CMKLR1: variants seen among roughly 807,000 people sequenced by gnomAD.
CMKLR1 encodes the protein chemerin chemokine-like receptor 1.
CMKLR1 carries 6 observed loss-of-function variants against 8.2 expected under a neutral mutation model. The ratio of observed to expected loss-of-function variants is 0.73; its 90% CI spans 0.40 to 1.44. The LOEUF is 1.44. CMKLR1 is among the 40% of genes most tolerant of loss of function. The probability of loss-of-function intolerance (pLI) is 0.02; values close to 1 mark genes in which losing one functional copy is unlikely to be tolerated. For missense variants in CMKLR1, 429 were observed against 478.0 expected (o/e 0.90, Z 0.96); for synonymous variants, 178 against 181.2 (o/e 0.98, Z 0.14).
chr12:108,293,205 G>A (rs1324352422), intron 3 of CMKLR1, among the ~76,000 whole-genome samples: 1 of 152,192 alleles, frequency 6.6e-6, no homozygotes, highest in Non-Finnish European at 1.5e-5. Context: ...GGTAGGTTAT[G>A]AGCCTCAACT....
At chr12:108,324,874 G>A (rs1379812769) in intron 2 of CMKLR1, among the ~76,000 whole-genome samples, 1 of 151,924 alleles carries the variant, frequency 6.6e-6, no homozygotes, top group African/African-American at 2.4e-5. Context: ...ACAGCCTCCA[G>A]TCTGACCACA....
At chr12:108,293,455 G>A in intron 3 of CMKLR1, 134 bp downstream of exon 3, 2 of 852,376 alleles carry the variant, frequency 2.3e-6, no homozygotes, top group Non-Finnish European at 3.8e-6. Context: ...TGAAGAAGAG[G>A]TACATGGTGC....
chr12:108,306,803 A>G (rs1013254515), intron 2 of CMKLR1, among the ~76,000 whole-genome samples: 1 of 152,166 alleles, frequency 6.6e-6, no homozygotes, highest in African/African-American at 2.4e-5. Flanking sequence ...TTCCATGAGA[A>G]CACGCCCTTG....
chr12:108,308,225 G>T (rs768752477), intron 2 of CMKLR1, among the ~76,000 whole-genome samples: 1 of 152,178 alleles, frequency 6.6e-6, no homozygotes, highest in Non-Finnish European at 1.5e-5. Flanking sequence ...GTCTCAAGGA[G>T]TTGTGAGGAT....
chr12:108,304,139 G>A (rs1358787682), intron 2 of CMKLR1, among the ~76,000 whole-genome samples: 1 of 152,218 alleles, frequency 6.6e-6, no homozygotes, highest in Non-Finnish European at 1.5e-5. Context: ...AGGACAGCAA[G>A]GTTGGGTGTT....
chr12:108,326,921 C>T (rs917825832), intron 2 of CMKLR1, among the ~76,000 whole-genome samples: 7 of 152,058 alleles, frequency 4.6e-5, no homozygotes, highest in African/African-American at 9.7e-5. Context: ...TTCATGGATT[C>T]GCTGATTTAA....
chr12:108,328,865 G>A (rs1166550678), intron 2 of CMKLR1, among the ~76,000 whole-genome samples: 1 of 152,202 alleles, frequency 6.6e-6, no homozygotes, highest in African/African-American at 2.4e-5. Flanking sequence ...GCAACCCAAA[G>A]TGCCATCTTA....
intron 2 of CMKLR1, among the ~76,000 whole-genome samples, chr12:108,303,559 T>C (rs1891332353): frequency 6.6e-6 from 1 of 152,188 alleles, no homozygotes; most frequent in Admixed American, 6.5e-5. Flanking sequence ...CAATTAGCCA[T>C]TCTGAAGGAA....
chr12:108,305,233 C>T (rs1051504788), intron 2 of CMKLR1, among the ~76,000 whole-genome samples: 1 of 152,200 alleles, frequency 6.6e-6, no homozygotes, highest in African/African-American at 2.4e-5. Context: ...ATAACTTCTG[C>T]CTCAGTGTGA....
Position 108,319,555 on chromosome 12 carries a change from A to G in CMKLR1, c.-74+10440T>C, listed in dbSNP as rs192305437. Among the ~76,000 whole-genome samples the G allele has an allele frequency of 9.3e-4, 142 of 152,346 alleles. 1 individual carries two copies. The highest frequency in any genetic ancestry group is 1.5e-3 in the Admixed American group (23 of 15,306). On this transcript the variant is annotated intron_variant, in intron 2 of 3. Transcript: ENST00000550402. ...TTCCCAATCTGTAAAATGGAGCAAT[A>G]CATGCCTCACAAAGTACATACCTCA...
At chr12:108,332,643 G>A (rs1012006623) in intron 1 of CMKLR1, among the ~76,000 whole-genome samples, 13 of 152,032 alleles carry the variant, frequency 8.6e-5, no homozygotes, top group South Asian at 2.1e-4. Flanking sequence ...CTCGAACATC[G>A]GATTCCAAGT....
At chr12:108,304,362 G>A (rs374518608) in intron 2 of CMKLR1, among the ~76,000 whole-genome samples, 1 of 152,152 alleles carries the variant, frequency 6.6e-6, no homozygotes, top group Non-Finnish European at 1.5e-5. Context: ...TGTGTCCTAT[G>A]GGCTCAGTGT....
chr12:108,302,298 G>A (rs749157888), intron 2 of CMKLR1, among the ~76,000 whole-genome samples: 8 of 152,208 alleles, frequency 5.3e-5, no homozygotes, highest in African/African-American at 1.7e-4. Flanking sequence ...AGGTATCTGC[G>A]AACCCTCTGT....
chr12:108,325,430 C>A (rs1891960226), intron 2 of CMKLR1, among the ~76,000 whole-genome samples: 1 of 150,762 alleles, frequency 6.6e-6, no homozygotes, highest in African/African-American at 2.4e-5. Context: ...CCTGTGTAGA[C>A]TCCTGGCAGG....
chr12:108,292,288 G>T lies in CMKLR1; in HGVS notation c.675C>A (p.Phe225Leu), dbSNP rs779501834. Residue 225 changes from phenylalanine (F) to leucine (L), a missense_variant, in exon 4 of 4, where the codon TTC (phenylalanine) becomes TTA (leucine). By Grantham distance (22) the Phe-to-Leu change is conservative. Coordinates refer to ENST00000550402, the MANE Select transcript of CMKLR1 (RefSeq NM_001142343.2). ...GGACTGGGACCAGGAAGCCACAGAG[G>T]AAGCGGGTGACAGTCACCACCATGT... ...SRHMVVTVTR[F>L]LCGFLVPVLI... The T allele has an allele frequency of 6.2e-7, 1 of 1,614,194 alleles. No homozygotes were observed. Among genetic ancestry groups the T allele is most frequent in the South Asian group, 1.1e-5 (1 of 91,088 alleles).
At chr12:108,308,264 G>T (rs969371114) in intron 2 of CMKLR1, among the ~76,000 whole-genome samples, 2 of 152,206 alleles carry the variant, frequency 1.3e-5, no homozygotes, top group Admixed American at 6.5e-5. Context: ...TGAGGTGCTT[G>T]TCACCACCAC....
intron 2 of CMKLR1, among the ~76,000 whole-genome samples, chr12:108,318,146 C>T (rs993930574): frequency 2.0e-5 from 3 of 152,160 alleles, no homozygotes; most frequent in Non-Finnish European, 4.4e-5. Flanking sequence ...GAGTTGCTTC[C>T]GGTTTCTTGC....
intron 2 of CMKLR1, among the ~76,000 whole-genome samples, chr12:108,324,534 C>T (rs183402689): frequency 6.1e-4 from 93 of 152,266 alleles, no homozygotes; most frequent in Admixed American, 1.8e-3. Flanking sequence ...AGAGCACAGA[C>T]GAGGCGCCTC....
rs1220472367 is a variant in CMKLR1 at position 108,291,452 on chromosome 12, AC to A, written c.*388del. 1 of 204,064 alleles carries A rather than the reference AC, an allele frequency of 4.9e-6. No homozygotes were observed. The highest frequency in any genetic ancestry group is 2.4e-5 in the African/African-American group (1 of 42,336). 12.6% of individuals were successfully genotyped at this position (204,064 alleles called of 1,614,324 possible). A position where few individuals can be genotyped will look rare whatever the true frequency, so the allele number is the denominator to read the frequency against. On this transcript the variant is annotated 3_prime_UTR_variant, in exon 4 of 4. Transcript: ENST00000550402. ...TCTGCATCACACTGGGTTTGCTCTG[AC>A]CCCCTCACTGCTCACACCAGGAATG...
Sources: allele counts gnomAD v4.1 joint callset (sites outside exome capture counted in the v4.1 genomes callset), GRCh38; gene constraint gnomAD v4.1.1; transcripts MANE v1.5; gene names NCBI Gene and HGNC (gene_info 2026-07-23, HGNC 2026-07-21).